The following EFCAB11 variants were observed in gnomAD, a reference collection of about 807,000 sequenced individuals.
EFCAB11 encodes EF-hand calcium binding domain 11, also known as EF-hand calcium-binding domain-containing protein 11.
Under a neutral mutation model 23.0 loss-of-function variants are expected in EFCAB11, and 14 were observed. That is an observed-to-expected ratio of 0.61 (90% confidence interval 0.40 to 0.95). The LOEUF (loss-of-function observed/expected upper bound fraction) is 0.95, where lower values mean the gene tolerates loss of function less well. Ranked by LOEUF, EFCAB11 falls within the 40% of genes least tolerant of loss-of-function variation. EFCAB11 has a pLI of 0.00. For synonymous variants in EFCAB11, 65 were observed against 66.6 expected (o/e 0.98, Z 0.11); for missense variants, 198 against 195.8 (o/e 1.01, Z -0.07).
chr14:89,942,912 G>A (rs982249187), intron 3 of EFCAB11, among the ~76,000 whole-genome samples: 3 of 152,100 alleles, frequency 2.0e-5, no homozygotes, highest in East Asian at 1.9e-4. Flanking sequence ...AAGAGGATTC[G>A]AAGCCCTTGG....
At chr14:89,913,865 G>C (rs1391916242) in intron 5 of EFCAB11, among the ~76,000 whole-genome samples, 2 of 152,060 alleles carry the variant, frequency 1.3e-5, no homozygotes, top group African/African-American at 4.8e-5. Flanking sequence ...ATAGATCAGG[G>C]CTGCTTATCA....
intron 5 of EFCAB11, among the ~76,000 whole-genome samples, chr14:89,809,501 T>C (rs995420433): frequency 9.9e-5 from 15 of 152,194 alleles, no homozygotes; most frequent in Admixed American, 9.2e-4. Flanking sequence ...ATCACGCTCA[T>C]CATTAAAGAC....
chr14:89,856,589 AT>A (rs1488226270), intron 5 of EFCAB11, among the ~76,000 whole-genome samples: 2 of 152,170 alleles, frequency 1.3e-5, no homozygotes, highest in African/African-American at 4.8e-5. Flanking sequence ...ACCTTTGCCA[AT>A]ATTGGTTATC....
intron 3 of EFCAB11, among the ~76,000 whole-genome samples, chr14:89,939,972 C>T (rs557962337): frequency 1.3e-5 from 2 of 152,266 alleles, no homozygotes; most frequent in South Asian, 2.1e-4. Flanking sequence ...CTCCTGACCT[C>T]GTGATCCACC....
chr14:89,895,013 T>C (rs1048668110), intron 5 of EFCAB11, among the ~76,000 whole-genome samples: 1 of 152,226 alleles, frequency 6.6e-6, no homozygotes, highest in African/African-American at 2.4e-5. Context: ...TACTATTTAC[T>C]AGCTGTGTGA....
intron 5 of EFCAB11, among the ~76,000 whole-genome samples, chr14:89,863,605 C>A (rs539941426): frequency 1.3e-5 from 2 of 152,338 alleles, no homozygotes; most frequent in Non-Finnish European, 2.9e-5. Flanking sequence ...CCAAAGAGAT[C>A]ATATGCTGTT....
intron 3 of EFCAB11, among the ~76,000 whole-genome samples, chr14:89,938,586 A>C (rs937575393): frequency 1.3e-5 from 2 of 151,852 alleles, no homozygotes; most frequent in African/African-American, 4.8e-5. Flanking sequence ...ACCTTAATGG[A>C]AGAAATCAAG....
rs188152634 is a variant in EFCAB11, at chr14:89,870,814, G to A, written c.410+60727C>T. On this transcript the variant is annotated intron_variant, in intron 5 of 5. Coordinates refer to ENST00000316738, the MANE Select transcript of EFCAB11 (RefSeq NM_145231.4). Reference sequence around the variant, plus strand: ...AAATTAGCCAGGCATGGTGGTGGGCGCCTGTAGTCTAGCTACTGGGGAGGC... The same window carrying A: ...AAATTAGCCAGGCATGGTGGTGGGCACCTGTAGTCTAGCTACTGGGGAGGC... Among the ~76,000 whole-genome samples, 15 of 150,048 alleles carry A rather than the reference G, an allele frequency of 1.0e-4. No homozygotes were observed. The East Asian group carries it at 2.0e-3, about 20-fold the overall frequency.
chr14:89,860,272 G>A (rs1294812179), intron 5 of EFCAB11, among the ~76,000 whole-genome samples: 3 of 152,164 alleles, frequency 2.0e-5, no homozygotes, highest in East Asian at 3.8e-4. Flanking sequence ...ACTGAGGCAG[G>A]AGAATCGCTT....
chr14:89,936,281 A>G (rs1330649540), intron 3 of EFCAB11, among the ~76,000 whole-genome samples: 1 of 152,228 alleles, frequency 6.6e-6, no homozygotes, highest in Non-Finnish European at 1.5e-5. Context: ...ACAAGGAAAA[A>G]AAAGGACCTG....
At chr14:89,875,744 G>A (rs1275732124) in intron 5 of EFCAB11, among the ~76,000 whole-genome samples, 1 of 152,166 alleles carries the variant, frequency 6.6e-6, no homozygotes, top group Non-Finnish European at 1.5e-5. Context: ...TGAAGATGGG[G>A]GTGAGACACT....
intron 3 of EFCAB11, among the ~76,000 whole-genome samples, chr14:89,944,772 T>C (rs1037244137): frequency 2.6e-5 from 4 of 151,892 alleles, no homozygotes; most frequent in African/African-American, 9.7e-5. Flanking sequence ...CAAGAACATG[T>C]TCTCCTAGCA....
intron 5 of EFCAB11, among the ~76,000 whole-genome samples, chr14:89,898,361 T>C (rs1184284986): frequency 1.3e-5 from 2 of 149,006 alleles, no homozygotes; most frequent in African/African-American, 5.1e-5. Flanking sequence ...TCGTTTTTGT[T>C]TTTGTTTTGT....
Position 89,796,806 on chromosome 14 carries a change from A to T in EFCAB11, c.*437T>A, listed in dbSNP as rs1424446373. 1 of 154,994 alleles carries T rather than the reference A, an allele frequency of 6.5e-6. No homozygotes were observed. The highest frequency in any genetic ancestry group is 6.4e-5 in the Admixed American group (1 of 15,730). 9.6% of individuals were successfully genotyped at this position (154,994 alleles called of 1,614,324 possible). On this transcript the variant is annotated 3_prime_UTR_variant, in exon 6 of 6. Coordinates refer to ENST00000316738, the MANE Select transcript of EFCAB11 (RefSeq NM_145231.4). The stretch of plus-strand genomic sequence containing the variant: ...CAGGGTGGGATGGTGAGGACAATGA[A>T]GTGAGTGAGTAGAGCACCGTGGCCT...
intron 5 of EFCAB11, among the ~76,000 whole-genome samples, chr14:89,918,995 C>T (rs551036865): frequency 2.0e-5 from 3 of 150,742 alleles, no homozygotes; most frequent in African/African-American, 4.9e-5. Context: ...GACACAGGAC[C>T]AGGGTGGGGG....
chr14:89,882,916 T>C (rs1356476836), intron 5 of EFCAB11, among the ~76,000 whole-genome samples: 1 of 152,154 alleles, frequency 6.6e-6, no homozygotes, highest in Non-Finnish European at 1.5e-5. Context: ...ATGTGCTCTC[T>C]TGGGGTTGAG....
At chr14:89,894,245 C>T (rs1257895919) in intron 5 of EFCAB11, among the ~76,000 whole-genome samples, 1 of 152,060 alleles carries the variant, frequency 6.6e-6, no homozygotes, top group Non-Finnish European at 1.5e-5. Flanking sequence ...CCACCGCACC[C>T]AGCCTTGATT....
intron 5 of EFCAB11, among the ~76,000 whole-genome samples, chr14:89,820,108 ATACAAAAGCC>A (rs1886460452): frequency 6.6e-6 from 1 of 152,174 alleles, no homozygotes; most frequent in South Asian, 2.1e-4. Flanking sequence ...TATTACAGCT[ATACAAAAGCC>A]TAGGATTACA....
At chr14:89,906,452 A>G (rs990624260) in intron 5 of EFCAB11, among the ~76,000 whole-genome samples, 5 of 152,202 alleles carry the variant, frequency 3.3e-5, no homozygotes, top group Non-Finnish European at 7.3e-5. Context: ...CTTCAATTCT[A>G]TGACAAATTC....
Sources: gnomAD v4.1 joint callset for allele counts (sites outside exome capture counted in the v4.1 genomes callset) on GRCh38, gnomAD v4.1.1 for gene constraint, MANE v1.5 for transcripts, NCBI Gene and HGNC (gene_info 2026-07-23, HGNC 2026-07-21) for gene names.